Variants in SLC41A3 observed in about 807,000 individuals in gnomAD.
SLC41A3 encodes SLC41A1-like 2.
In SLC41A3, 44 loss-of-function variants were observed where a neutral mutation model predicts 45.4. The observed-to-expected ratio is 0.97, with a 90% CI of 0.76 to 1.25. SLC41A3 has a LOEUF of 1.25. Among genes scored for constraint, SLC41A3 ranks in the 50% most tolerant of loss-of-function variants. The probability of loss-of-function intolerance (pLI) is 0.00; values close to 1 mark genes in which losing one functional copy is unlikely to be tolerated. For missense variants in SLC41A3, 550 were observed against 600.6 expected, an observed-to-expected ratio of 0.92 and a Z score of 0.88; for synonymous variants, 256 against 252.4, an observed-to-expected ratio of 1.01 and a Z score of -0.13.
chr3:126,006,766 C>T lies in SLC41A3; in HGVS notation c.*250G>A, dbSNP rs374501079. ...CTCCACAAACGTGTGCACACTTGCA[C>T]GCTCATTAAGCATGTGCACACATCA... On this transcript the variant is annotated 3_prime_UTR_variant, in exon 11 of 11. Transcript: ENST00000360370. 272 of 1,442,642 alleles carry T rather than the reference C, an allele frequency of 1.9e-4. 3 individuals are homozygous for T. The highest frequency in any genetic ancestry group is 1.7e-3 in the South Asian group (112 of 66,380). The allele number at this position is 1,442,642 out of a possible 1,614,324, so 89.4% of individuals were successfully genotyped here. A position where few individuals can be genotyped will look rare whatever the true frequency, so the allele number is the denominator to read the frequency against.
rs145070979 is a variant in SLC41A3, at chr3:126,057,719, C to T, written c.274-6669G>A. Among the ~76,000 whole-genome samples, 829 of 152,354 alleles carry T rather than the reference C, an allele frequency of 5.4e-3. 4 individuals carry two copies. The highest frequency in any genetic ancestry group is 7.8e-3 in the Non-Finnish European group (532 of 68,040). ...GCTGTCCCTGCAACCGAACTCCAGA[C>T]GAATTTCTCCAGCACCTGTTCCCCT... On this transcript the variant is annotated intron_variant, in intron 2 of 10. Transcript: ENST00000360370.
intron 9 of SLC41A3, among the ~76,000 whole-genome samples, chr3:126,011,332 T>G (rs778926763): frequency 4.6e-5 from 7 of 152,070 alleles, no homozygotes; most frequent in Non-Finnish European, 7.4e-5. Flanking sequence ...ATAGGCTCAA[T>G]AGCAGAATGG....
At chr3:126,014,771 C>G (rs773615998) in intron 8 of SLC41A3, among the ~76,000 whole-genome samples, 1 of 152,206 alleles carries the variant, frequency 6.6e-6, no homozygotes, top group African/African-American at 2.4e-5. Flanking sequence ...CTAAACTGGA[C>G]AAAACATGTT....
At chr3:126,057,170 G>T (rs1943723666) in intron 2 of SLC41A3, 3 of 985,312 alleles carry the variant, frequency 3.0e-6, no homozygotes, top group South Asian at 9.4e-5. Context: ...TCCCCAAGCA[G>T]GAAGCCACGC....
chr3:126,019,902 C>A (rs1238103544), intron 6 of SLC41A3, among the ~76,000 whole-genome samples: 1 of 152,052 alleles, frequency 6.6e-6, no homozygotes, highest in Non-Finnish European at 1.5e-5. Context: ...TAGGCATTGT[C>A]CTGGTGGAAC....
chr3:126,091,759 G>A (rs1945492262), intron 1 of SLC41A3, among the ~76,000 whole-genome samples: 2 of 152,154 alleles, frequency 1.3e-5, no homozygotes, highest in Admixed American at 1.3e-4. Context: ...GCTTTGCAGG[G>A]CCACTTCAAA....
chr3:126,090,318 C>G lies in SLC41A3; in HGVS notation c.-79+11111G>C, dbSNP rs530495621. Reference sequence around the variant, plus strand: ...CTGAATTTTATGCAAATAATCAGGACAAGTATAATGAGCCTAGAACTTACT... The same window carrying G: ...CTGAATTTTATGCAAATAATCAGGAGAAGTATAATGAGCCTAGAACTTACT... On this transcript the variant is annotated intron_variant, in intron 1 of 9. Coordinates refer to the SLC41A3 transcript ENST00000508835. 9.2e-5 allele frequency among the ~76,000 whole-genome samples: 14 copies of G among 152,200 alleles called. No individual in the cohort carries two copies. The South Asian group carries it at 1.7e-3, about 18-fold the overall frequency.
Position 126,044,895 on chromosome 3 carries a change from C to CAAAAAAAAAAAAAAAA in SLC41A3, c.381+6032_381+6047dup, listed in dbSNP as rs57581225. ...TGGGCGACAGAGCGAGACTCCATCT[C>CAAAAAAAAAAAAAAAA]AAAAAAAAAAAAAAAAAAAAAAAAA... On this transcript the variant is annotated intron_variant, in intron 3 of 10. Coordinates refer to ENST00000360370, the MANE Select transcript of SLC41A3 (RefSeq NM_017836.4). Among the ~76,000 whole-genome samples the CAAAAAAAAAAAAAAAA allele has an allele frequency of 2.7e-4, 22 of 82,718 alleles. 2 individuals are homozygous for CAAAAAAAAAAAAAAAA. Among genetic ancestry groups the CAAAAAAAAAAAAAAAA allele is most frequent in the East Asian group, 3.0e-4 (1 of 3,308 alleles). 54.3% of individuals were successfully genotyped at this position (82,718 alleles called of 152,430 possible). A position where few individuals can be genotyped will look rare whatever the true frequency, so the allele number is the denominator to read the frequency against.
chr3:126,043,342 T>C (rs1038089814), intron 3 of SLC41A3, among the ~76,000 whole-genome samples: 4 of 151,946 alleles, frequency 2.6e-5, no homozygotes, highest in African/African-American at 9.7e-5. Flanking sequence ...AATTCCTAAA[T>C]AAAAGCTAAG....
Position 126,016,875 on chromosome 3 carries a change from T to A in SLC41A3, c.746A>T (p.Asp249Val), listed in dbSNP as rs1940344456. The change falls in exon 7 of 11, where the codon GAT becomes GTT. Residue 249 changes from aspartate to valine, a missense_variant and splice_region_variant. Asp to Val is a radical substitution (Grantham distance 152). Coordinates refer to ENST00000360370, the MANE Select transcript of SLC41A3 (RefSeq NM_017836.4). ...LVSSFFYRHK[D>V]SRYLTPLVCL... ...GACCAGCGGCGTCAGATACCGACTA[T>A]CTGAAAGGAGAACAGGGACACACGC... 1 of 1,611,342 alleles carries A rather than the reference T, an allele frequency of 6.2e-7. No homozygotes were observed. The highest frequency in any genetic ancestry group is 8.5e-7 in the Non-Finnish European group (1 of 1,179,744).
In SLC41A3 at chr3:126,068,174, T is replaced by C. The variant is rs1559879704; in HGVS notation, c.46A>G (p.Lys16Glu). Reference sequence around the variant, plus strand: ...TGAGGAAGCCCCAGCTCCCCTGGCTTGCCACAGCTGTCCAGCCTCCGCTGC... The same window carrying C: ...TGAGGAAGCCCCAGCTCCCCTGGCTCGCCACAGCTGTCCAGCCTCCGCTGC... ...TRQRRLDSCGKPGELGLPHPL... is the reference protein window; with the variant it reads ...TRQRRLDSCGEPGELGLPHPL... The change falls in exon 2 of 11, where the codon AAG (lysine) becomes GAG (glutamate). Residue 16 changes from lysine to glutamate, a missense_variant. Lys to Glu is a moderately conservative substitution (Grantham distance 56). Transcript: ENST00000360370. 1 of 1,584,542 alleles carries C rather than the reference T, an allele frequency of 6.3e-7. No individual in the cohort carries two copies.
chr3:126,098,706 C>T (rs1438161256), intron 1 of SLC41A3, among the ~76,000 whole-genome samples: 2 of 152,232 alleles, frequency 1.3e-5, no homozygotes, highest in Non-Finnish European at 2.9e-5. Flanking sequence ...CAATTTGTCA[C>T]TGTCACCCTG....
At chr3:126,021,673 C>T (rs1215565739) in intron 6 of SLC41A3, among the ~76,000 whole-genome samples, 1 of 152,120 alleles carries the variant, frequency 6.6e-6, no homozygotes, top group Non-Finnish European at 1.5e-5. Flanking sequence ...TGACAACTGC[C>T]CAACATTCTT....
chr3:126,056,101 G>A (rs906538044), intron 2 of SLC41A3, among the ~76,000 whole-genome samples: 1 of 152,156 alleles, frequency 6.6e-6, no homozygotes, highest in Non-Finnish European at 1.5e-5. Flanking sequence ...TGAGCTCCTT[G>A]GGCTGAGGAG....
At chr3:126,090,034 T>C (rs1196636983) in intron 1 of SLC41A3, among the ~76,000 whole-genome samples, 1 of 69,982 alleles carries the variant, frequency 1.4e-5, no homozygotes, top group South Asian at 4.0e-4. Flanking sequence ...AAATCTTTTT[T>C]TTTTTTTTTT....
chr3:126,017,981 A>G (rs953090754), intron 6 of SLC41A3, among the ~76,000 whole-genome samples: 5 of 152,170 alleles, frequency 3.3e-5, no homozygotes, highest in African/African-American at 4.8e-5. Context: ...TTTTGAATCC[A>G]GTCTGAGTTT....
chr3:126,065,156 T>TG (rs1183081492), intron 2 of SLC41A3, among the ~76,000 whole-genome samples: 2 of 152,190 alleles, frequency 1.3e-5, no homozygotes, highest in African/African-American at 4.8e-5. Flanking sequence ...TGCTTAGAAG[T>TG]GGATGTTCCC....
intron 6 of SLC41A3, among the ~76,000 whole-genome samples, chr3:126,020,261 C>T (rs1311282019): frequency 1.3e-5 from 2 of 152,072 alleles, no homozygotes; most frequent in African/African-American, 4.8e-5. Context: ...CTGGGCCTGT[C>T]CCCTGAAACG....
chr3:126,085,357 A>G (rs1412940418), upstream of SLC41A3: 1 of 152,240 alleles, frequency 6.6e-6, no homozygotes, highest in African/African-American at 2.4e-5. Context: ...AATATTTTAC[A>G]GAGTTTGACT....
Sources: gnomAD v4.1 joint callset for allele counts (sites outside exome capture counted in the v4.1 genomes callset) on GRCh38, gnomAD v4.1.1 for gene constraint, MANE v1.5 for transcripts, NCBI Gene and HGNC (gene_info 2026-07-23, HGNC 2026-07-21) for gene names.